The following THOC2 variants were observed in gnomAD, a reference collection of about 807,000 sequenced individuals.
THOC2 encodes the protein THO complex subunit 2.
In THOC2, 10 loss-of-function variants were observed where a neutral mutation model predicts 128.4. The ratio of observed to expected loss-of-function variants is 0.08; its 90% CI spans 0.05 to 0.13. The LOEUF (loss-of-function observed/expected upper bound fraction) is 0.13. THOC2 is among the 10% of genes least tolerant of loss of function. The probability of loss-of-function intolerance (pLI) is 1.00; values close to 1 mark genes in which losing one functional copy is unlikely to be tolerated. For missense variants in THOC2, 535 were observed against 1,155.7 expected (o/e 0.46, Z 7.79); for synonymous variants, 393 against 396.9 (o/e 0.99, Z 0.12).
At chrX:123,731,916 A>G (rs1167101504) in intron 1 of THOC2, among the ~76,000 whole-genome samples, 1 of 112,011 alleles carries the variant, frequency 8.9e-6, no homozygotes, top group African/African-American at 3.2e-5. Flanking sequence ...AAGGACGACA[A>G]AAATGGCTAA....
At chrX:123,624,712 C>T (rs1245205621) in intron 25 of THOC2, 43 bp from the exon 26 acceptor site, 1 of 1,136,523 alleles carries the variant, frequency 8.8e-7, no homozygotes, top group Admixed American at 2.3e-5. Flanking sequence ...AAATCAAGGT[C>T]AAAATCAGTT....
intron 3 of THOC2, among the ~76,000 whole-genome samples, chrX:123,706,383 A>C (rs1269590295): frequency 2.7e-5 from 3 of 109,588 alleles, no homozygotes; most frequent in African/African-American, 9.9e-5. Context: ...CTTTTTTTTT[A>C]ATTATACTTT....
At chrX:123,622,914 A>C in intron 29 of THOC2, 54 bp from the exon 30 acceptor site, 1 of 975,710 alleles carries the variant, frequency 1.0e-6, no homozygotes, top group Admixed American at 2.8e-5. Context: ...AATAAGCTAC[A>C]ATTTCAGAGC....
At chrX:123,655,528 A>ATACC (rs1248258573) in intron 12 of THOC2, among the ~76,000 whole-genome samples, 2 of 112,046 alleles carry the variant, frequency 1.8e-5, no homozygotes, top group Non-Finnish European at 3.8e-5. Context: ...ACAGCTATAT[A>ATACC]TACCTACCTG....
intron 8 of THOC2, among the ~76,000 whole-genome samples, chrX:123,674,704 A>C (rs1254275853): frequency 1.8e-5 from 2 of 110,541 alleles, no homozygotes; most frequent in Non-Finnish European, 3.8e-5. Flanking sequence ...TTTTCTGTTT[A>C]GTTTTTAATT....
In THOC2 at chrX:123,620,936, G is replaced by C; in HGVS notation, c.4246C>G (p.Pro1416Ala). The C allele has an allele frequency of 8.3e-7, 1 of 1,210,243 alleles. No homozygotes were observed. ...ACTGTGGAGGAATGTGATGGAGAAGGGTGAGTATCAATTTTGCGGCGTTTT... is the reference window on the plus strand; with the variant it reads ...ACTGTGGAGGAATGTGATGGAGAAGCGTGAGTATCAATTTTGCGGCGTTTT... ...EQKRRKIDTH[P>A]SPSHSSTVKD... Residue 1416 changes from proline to alanine, a missense_variant, in exon 32 of 39, where the codon CCT becomes GCT. By Grantham distance (27) the Pro-to-Ala change is conservative. Around this residue, in one of 9 missense-constraint regions of THOC2, gnomAD observed 116 missense variants for 180.0 expected, o/e 0.64. Coordinates refer to ENST00000245838, the MANE Select transcript of THOC2 (RefSeq NM_001081550.2).
At position 123,629,248 on chromosome X, in the gene THOC2, T is replaced by C. The variant is rs754137212; in HGVS notation, c.2482-1280A>G. 7.3e-3 allele frequency among the ~76,000 whole-genome samples: 389 copies of C among 53,342 alleles called. 2 individuals are homozygous for C. The highest frequency in any genetic ancestry group is 9.8e-3 in the Non-Finnish European group (241 of 24,608). 46.3% of individuals were successfully genotyped at this position (53,342 alleles called of 115,157 possible). ...ACACACACACACACACACACACACA[T>C]ATATATGAAGATAACACAGAGTTGC... On this transcript the variant is annotated intron_variant, in intron 22 of 38. Coordinates refer to ENST00000245838, the MANE Select transcript of THOC2 (RefSeq NM_001081550.2).
intron 27 of THOC2, 40 bp downstream of exon 27, chrX:123,624,020 G>A (rs776313231): frequency 8.5e-7 from 1 of 1,183,133 alleles, no homozygotes; most frequent in Non-Finnish European, 1.1e-6. Flanking sequence ...CAAGTATACA[G>A]AGAAAAATTT....
intron 19 of THOC2, among the ~76,000 whole-genome samples, chrX:123,635,406 T>C (rs2147654969): frequency 8.9e-6 from 1 of 112,012 alleles, no homozygotes; most frequent in African/African-American, 3.2e-5. Flanking sequence ...TAGGTAATAC[T>C]TGTTTGGAAC....
chrX:123,705,995 C>T, intron 3 of THOC2, among the ~76,000 whole-genome samples: 1 of 111,045 alleles, frequency 9.0e-6, no homozygotes, highest in Non-Finnish European at 1.9e-5. Flanking sequence ...CTTGTAAAAC[C>T]TCAAGCTTAA....
intron 12 of THOC2, among the ~76,000 whole-genome samples, chrX:123,665,317 C>CCCCACAGT (rs1311263889): frequency 1.8e-5 from 2 of 111,704 alleles, no homozygotes; most frequent in African/African-American, 6.5e-5. Flanking sequence ...AGTACGGGAA[C>CCCCACAGT]ATTCTGTACA....
chrX:123,669,860 C>T (rs1017038828), intron 9 of THOC2, among the ~76,000 whole-genome samples: 7 of 111,781 alleles, frequency 6.3e-5, no homozygotes, highest in Middle Eastern at 9.2e-3. Flanking sequence ...ATTTTCTCAT[C>T]CTTTTACTAT....
intron 28 of THOC2, chrX:123,623,489 A>C: frequency 5.3e-6 from 3 of 567,351 alleles, no homozygotes; most frequent in Non-Finnish European, 7.7e-6. Context: ...ACTAATCCTT[A>C]AACTAAGATG....
At chrX:123,671,320 A>C (rs2049268507) in intron 9 of THOC2, among the ~76,000 whole-genome samples, 1 of 111,993 alleles carries the variant, frequency 8.9e-6, no homozygotes, top group East Asian at 2.8e-4. Flanking sequence ...GATAATAAAA[A>C]GGCTTAAAAA....
intron 1 of THOC2, among the ~76,000 whole-genome samples, chrX:123,721,987 A>G (rs1279974629): frequency 1.8e-5 from 2 of 112,114 alleles, no homozygotes; most frequent in African/African-American, 6.5e-5. Flanking sequence ...TACTTGAAAG[A>G]AAAGCAAACT....
chrX:123,722,953 C>T (rs930102147), intron 1 of THOC2, among the ~76,000 whole-genome samples: 5 of 111,362 alleles, frequency 4.5e-5, no homozygotes, highest in African/African-American at 6.5e-5. Context: ...CCAAGGCGGG[C>T]GGATCATCGG....
At chrX:123,634,148 C>A in intron 19 of THOC2, 78 bp from the exon 20 acceptor site, 1 of 517,166 alleles carries the variant, frequency 1.9e-6, no homozygotes, top group Non-Finnish European at 3.0e-6. Context: ...AATTAATATA[C>A]TGAGAAACCC....
At chrX:123,693,337 AC>A (rs2050308351) in intron 7 of THOC2, among the ~76,000 whole-genome samples, 1 of 111,614 alleles carries the variant, frequency 9.0e-6, no homozygotes, top group Non-Finnish European at 1.9e-5. Context: ...ATGGTGGTGC[AC>A]GCCTGTAATC....
At chrX:123,680,121 AACGCCTCGTTGCAGTTGAG>A (rs1265643813) in intron 8 of THOC2, among the ~76,000 whole-genome samples, 4 of 110,643 alleles carry the variant, frequency 3.6e-5, no homozygotes, top group Non-Finnish European at 7.6e-5. Flanking sequence ...AAGAGGAAGG[AACGCCTCGTTGCAGTTGAG>A]ACAAGAGGAA....
Sources: gnomAD v4.1 joint callset for allele counts (sites outside exome capture counted in the v4.1 genomes callset) on GRCh38, gnomAD v4.1.1 for gene constraint, gnomAD v4.1.1 regional missense constraint, MANE v1.5 for transcripts, NCBI Gene and HGNC (gene_info 2026-07-23, HGNC 2026-07-21) for gene names.